The following DNAJB6 variants were observed in gnomAD, a reference collection of about 807,000 sequenced individuals.
DNAJB6 encodes the protein dnaJ homolog subfamily B member 6.
DNAJB6 carries 16 observed loss-of-function variants against 42.7 expected under a neutral mutation model. That is an observed-to-expected ratio of 0.37 (90% CI 0.25 to 0.57). The LOEUF (loss-of-function observed/expected upper bound fraction) is 0.57, where lower values mean the gene tolerates loss of function less well. Ranked by LOEUF, DNAJB6 falls within the 20% of genes least tolerant of loss-of-function variation. DNAJB6 has a pLI of 0.74. For synonymous variants in DNAJB6, 170 were observed against 163.5 expected (o/e 1.04, Z -0.30); for missense variants, 347 against 416.8 (o/e 0.83, Z 1.46).
At chr7:157,361,132 AT>A (rs1229854010) in intron 2 of DNAJB6, among the ~76,000 whole-genome samples, 1 of 147,258 alleles carries the variant, frequency 6.8e-6, no homozygotes, top group Non-Finnish European at 1.5e-5. Context: ...TTTCTGGCAC[AT>A]TTAGGGTTAT....
At chr7:157,375,721 A>G (rs751748289) in intron 5 of DNAJB6, among the ~76,000 whole-genome samples, 22 of 152,252 alleles carry the variant, frequency 1.4e-4, no homozygotes, top group Non-Finnish European at 2.8e-4. Flanking sequence ...GTTATTTGCT[A>G]CTTCTGAAAA....
intron 8 of DNAJB6, among the ~76,000 whole-genome samples, chr7:157,397,340 G>A (rs572885189): frequency 2.4e-4 from 37 of 152,290 alleles, no homozygotes; most frequent in African/African-American, 8.9e-4. Flanking sequence ...AGTCACGGCC[G>A]CCCAGCCAGG....
In DNAJB6 at chr7:157,406,214, C is replaced by T. The variant is rs139781156; in HGVS notation, c.692-3581C>T. On this transcript the variant is annotated intron_variant, in intron 8 of 9. Coordinates refer to ENST00000262177, the MANE Select transcript of DNAJB6 (RefSeq NM_058246.4). ...CCATGCCGGCAGTGCACCGTGCCCA[C>T]GGGAAGCTCGGTGTGGGGGTTTGGA... 1.6e-3 allele frequency among the ~76,000 whole-genome samples: 240 copies of T among 152,364 alleles called. 2 individuals are homozygous for T. The highest frequency in any genetic ancestry group is 5.2e-3 in the African/African-American group (215 of 41,584).
chr7:157,417,417 A>G lies in DNAJB6; in HGVS notation c.*1319A>G, dbSNP rs2116704420. On this transcript the variant is annotated 3_prime_UTR_variant, in exon 10 of 10. Transcript: ENST00000262177. ...TATTTTAAATGCCACCTACATAAAT[A>G]AAACATAAGCATATTGAATACAGCT... 6.6e-6 allele frequency: 1 copy of G among 152,374 alleles called. No homozygotes were observed. The highest frequency in any genetic ancestry group is 2.4e-5 in the African/African-American group (1 of 41,576). The allele number at this position is 152,374 out of a possible 1,614,324, so 9.4% of individuals were successfully genotyped here. A position where few individuals can be genotyped will look rare whatever the true frequency, so the allele number is the denominator to read the frequency against.
At chr7:157,395,195 C>T (rs1801525632) in intron 8 of DNAJB6, among the ~76,000 whole-genome samples, 1 of 152,066 alleles carries the variant, frequency 6.6e-6, no homozygotes, top group Non-Finnish European at 1.5e-5. Context: ...CTTGAGAGCA[C>T]TACGTTTAAT....
At position 157,387,860 on chromosome 7, in the gene DNAJB6, T is replaced by G. The variant is rs113319917; in HGVS notation, c.691+2249T>G. ...TGTTTGTTTGTTTGTTTGTTTGTTTTTTTGAGACGGAGTCTTGCTCTGTCA... is the reference window on the plus strand; with the variant it reads ...TGTTTGTTTGTTTGTTTGTTTGTTTGTTTGAGACGGAGTCTTGCTCTGTCA... On this transcript the variant is annotated intron_variant, in intron 8 of 9. Transcript: ENST00000262177. Among the ~76,000 whole-genome samples the G allele has an allele frequency of 4.0e-3, 614 of 152,096 alleles. 5 individuals carry two copies. Among genetic ancestry groups the G allele is most frequent in the African/African-American group, 0.013 (553 of 41,412 alleles).
intron 8 of DNAJB6, among the ~76,000 whole-genome samples, chr7:157,405,846 C>T (rs1050779275): frequency 1.3e-5 from 2 of 152,376 alleles, no homozygotes; most frequent in African/African-American, 4.8e-5. Context: ...TCCATCCTGC[C>T]TGCTGTGACT....
At chr7:157,343,032 C>G (rs1798494343) in intron 1 of DNAJB6, among the ~76,000 whole-genome samples, 1 of 151,334 alleles carries the variant, frequency 6.6e-6, no homozygotes, top group Non-Finnish European at 1.5e-5. Context: ...CACTCTGTCA[C>G]TTAGGCTGGA....
At chr7:157,393,177 T>G (rs1801428286) in intron 8 of DNAJB6, among the ~76,000 whole-genome samples, 1 of 152,112 alleles carries the variant, frequency 6.6e-6, no homozygotes, top group Admixed American at 6.5e-5. Flanking sequence ...AGTTTCACTA[T>G]TTTGGTCAGG....
chr7:157,405,557 G>A (rs773139073), intron 8 of DNAJB6, among the ~76,000 whole-genome samples: 12 of 152,222 alleles, frequency 7.9e-5, no homozygotes, highest in Middle Eastern at 3.2e-3. Flanking sequence ...TTCACGCAGT[G>A]GCCCTGTCAG....
intron 9 of DNAJB6, 143 bp from the exon 10 acceptor site, chr7:157,415,873 G>C: frequency 1.4e-6 from 2 of 1,463,462 alleles, no homozygotes; most frequent in South Asian, 2.5e-5. Context: ...CGCCCGTTTT[G>C]AGGTTTAGCT....
At chr7:157,337,420 G>C (rs1798099251) in intron 1 of DNAJB6, 1 of 152,238 alleles carries the variant, frequency 6.6e-6, no homozygotes, top group Non-Finnish European at 1.5e-5. Context: ...ACGCGGCCCA[G>C]CCTCCGCGGC....
At position 157,342,333 on chromosome 7, in the gene DNAJB6, ATTTTTTT is replaced by A. The variant is rs11329531; in HGVS notation, c.-27+5210_-27+5216del. ...CAGGCACGTGCCACTATCCTGGCTA[ATTTTTTT>A]TTTTTTTTTTTTTTTTTTTTGAGTT... On this transcript the variant is annotated intron_variant, in intron 1 of 9. Coordinates refer to ENST00000262177, the MANE Select transcript of DNAJB6 (RefSeq NM_058246.4). 1.5e-4 allele frequency among the ~76,000 whole-genome samples: 9 copies of A among 60,406 alleles called. No homozygotes were observed. In the East Asian group the frequency reaches 1.7e-3, roughly 11 times the overall value. 39.6% of individuals were successfully genotyped at this position (60,406 alleles called of 152,430 possible).
In DNAJB6 at chr7:157,339,173, C is replaced by T. The variant is rs1584867210; in HGVS notation, c.-27+2029C>T. Among the ~76,000 whole-genome samples, 3 of 151,668 alleles carry T rather than the reference C, an allele frequency of 2.0e-5. No homozygotes were observed. In the South Asian group the frequency reaches 6.3e-4, roughly 32 times the overall value. ...TCATTTTTAAGCAAGCCCGTAATTC[C>T]CTTCTATTAACTCTGTTTTGGACAG... On this transcript the variant is annotated intron_variant, in intron 1 of 9. Transcript: ENST00000262177.
intron 6 of DNAJB6, among the ~76,000 whole-genome samples, chr7:157,383,428 G>A (rs1322498095): frequency 2.6e-5 from 4 of 152,108 alleles, no homozygotes; most frequent in East Asian, 1.9e-4. Context: ...TGAACATTGC[G>A]CTCATGCCAT....
rs67210462 is a variant in DNAJB6, at chr7:157,340,998, G to GTGCGCGCGCGCT, written c.-27+3854_-27+3855insTGCGCGCGCGCT. Among the ~76,000 whole-genome samples the GTGCGCGCGCGCT allele has an allele frequency of 9.9e-3, 1,331 of 134,984 alleles. 6 individuals are homozygous for GTGCGCGCGCGCT. Among genetic ancestry groups the GTGCGCGCGCGCT allele is most frequent in the African/African-American group, 0.017 (542 of 31,412 alleles). 88.6% of individuals were successfully genotyped at this position (134,984 alleles called of 152,430 possible). On this transcript the variant is annotated intron_variant, in intron 1 of 9. Transcript: ENST00000262177. ...TGTGTGTGTGTGTGTGTGTGTGTGTGCGCGCGCGCAGGTGGAATCACCCTG... is the reference window on the plus strand; with the variant it reads ...TGTGTGTGTGTGTGTGTGTGTGTGTGTGCGCGCGCGCTCGCGCGCGCAGGTGGAATCACCCTG...
intron 9 of DNAJB6, 127 bp downstream of exon 9, chr7:157,410,128 CGGGGCGGGA>C: frequency 7.1e-7 from 1 of 1,412,136 alleles, no homozygotes; most frequent in Non-Finnish European, 9.2e-7. Flanking sequence ...GGCGGTCGGG[CGGGGCGGGA>C]GGAGGTAGCC....
At chr7:157,358,681 C>A (rs2116949324) in intron 2 of DNAJB6, 44 bp downstream of exon 2, 4 of 1,466,692 alleles carry the variant, frequency 2.7e-6, no homozygotes, top group East Asian at 4.5e-5. Context: ...CACAGTGGTA[C>A]ATTGGTAATT....
chr7:157,378,728 A>T (rs192336015), intron 5 of DNAJB6: 2 of 152,276 alleles, frequency 1.3e-5, no homozygotes, highest in Non-Finnish European at 2.9e-5. Context: ...TTTTTATAAT[A>T]AAAATATTGG....
Sources: gnomAD v4.1 joint callset for allele counts (sites outside exome capture counted in the v4.1 genomes callset) on GRCh38, gnomAD v4.1.1 for gene constraint, MANE v1.5 for transcripts, NCBI Gene and HGNC (gene_info 2026-07-23, HGNC 2026-07-21) for gene names.